TAB2: variants seen among roughly 807,000 people sequenced by gnomAD.
The protein encoded by TAB2 is TGF-beta activated kinase 1 (MAP3K7) binding protein 2, also known as TGF-beta-activated kinase 1 and MAP3K7-binding protein 2.
Under a neutral mutation model 65.0 loss-of-function variants are expected in TAB2, and 3 were observed. That is an observed-to-expected ratio of 0.05 (90% CI 0.02 to 0.12). The LOEUF is 0.12. Ranked by LOEUF, TAB2 falls within the 10% of genes least tolerant of loss-of-function variation. The pLI, the probability that TAB2 is intolerant of heterozygous loss-of-function variation, is 1.00. For missense variants in TAB2, 623 were observed against 840.3 expected, an observed-to-expected ratio of 0.74 and a Z score of 3.20; for synonymous variants, 298 against 285.1, an observed-to-expected ratio of 1.05 and a Z score of -0.46.
chr6:149,361,682 C>T (rs1411233146), intron 1 of TAB2, among the ~76,000 whole-genome samples: 3 of 152,186 alleles, frequency 2.0e-5, no homozygotes, highest in Non-Finnish European at 2.9e-5. Flanking sequence ...CCTTTTCTTT[C>T]TCTGCCACAT....
rs755161786 is a variant in TAB2, at chr6:149,339,591, TTATTTATTTATTTA to T, written c.-90+21578_-90+21591del. 9.4e-4 allele frequency among the ~76,000 whole-genome samples: 16 copies of T among 16,938 alleles called. 1 individual carries two copies. Among genetic ancestry groups the T allele is most frequent in the Non-Finnish European group, 1.3e-3 (5 of 3,812 alleles). The allele number at this position is 16,938 out of a possible 152,430, so 11.1% of individuals were successfully genotyped here. ...CGGCCCAATAATTAATCTTTTTTAT[TTATTTATTTATTTA>T]TTTTTTTTTTTTTTTGAGACGGAGT... On this transcript the variant is annotated intron_variant, in intron 1 of 6. Coordinates refer to ENST00000637181, the MANE Select transcript of TAB2 (RefSeq NM_001292034.3).
At chr6:149,358,483 C>T (rs777832232) in intron 1 of TAB2, among the ~76,000 whole-genome samples, 8 of 152,074 alleles carry the variant, frequency 5.3e-5, no homozygotes, top group Non-Finnish European at 1.0e-4. Flanking sequence ...GCATCTACTG[C>T]GACTAATTAG....
chr6:149,406,943 C>G (rs1311668644), intron 6 of TAB2, among the ~76,000 whole-genome samples: 4 of 152,188 alleles, frequency 2.6e-5, no homozygotes, highest in Non-Finnish European at 5.9e-5. Context: ...TCTTGAACTC[C>G]TGACCTAAAG....
intron 1 of TAB2, among the ~76,000 whole-genome samples, chr6:149,310,680 T>C (rs1486181998): frequency 6.6e-6 from 1 of 152,190 alleles, no homozygotes; most frequent in Non-Finnish European, 1.5e-5. Context: ...TACATCTGAA[T>C]GACAGAGAAG....
intron 1 of TAB2, among the ~76,000 whole-genome samples, chr6:149,274,133 CT>C (rs1195704549): frequency 1.3e-5 from 2 of 152,226 alleles, no homozygotes; most frequent in Non-Finnish European, 2.9e-5. Flanking sequence ...GTGGTGGAAT[CT>C]TGCCCCAGGG....
At chr6:149,300,986 G>C (rs1778960092) in intron 1 of TAB2, among the ~76,000 whole-genome samples, 1 of 152,240 alleles carries the variant, frequency 6.6e-6, no homozygotes, top group Non-Finnish European at 1.5e-5. Context: ...GCCATTCAGA[G>C]CTTGGGGAGT....
intron 2 of TAB2, among the ~76,000 whole-genome samples, chr6:149,372,760 T>C (rs1046692095): frequency 1.3e-5 from 2 of 152,186 alleles, no homozygotes; most frequent in African/African-American, 4.8e-5. Context: ...AAGAAAGGAA[T>C]AGGAAGAGCT....
chr6:149,355,054 C>T (rs1780612371), intron 1 of TAB2, among the ~76,000 whole-genome samples: 1 of 152,152 alleles, frequency 6.6e-6, no homozygotes, highest in Admixed American at 6.5e-5. Flanking sequence ...ATTCCCCTCA[C>T]CAAGTGATGT....
intron 1 of TAB2, among the ~76,000 whole-genome samples, chr6:149,320,691 A>C: frequency 6.6e-6 from 1 of 152,238 alleles, no homozygotes; most frequent in African/African-American, 2.4e-5. Context: ...TGAGTTATAT[A>C]AACAGATCAA....
At chr6:149,361,502 T>C (rs1780852301) in intron 1 of TAB2, among the ~76,000 whole-genome samples, 1 of 152,184 alleles carries the variant, frequency 6.6e-6, no homozygotes, top group South Asian at 2.1e-4. Flanking sequence ...TGAACCATTA[T>C]TTCCTCCTGG....
intron 1 of TAB2, among the ~76,000 whole-genome samples, chr6:149,341,625 A>C (rs1253109255): frequency 6.6e-6 from 1 of 152,144 alleles, no homozygotes; most frequent in Non-Finnish European, 1.5e-5. Flanking sequence ...CTGAACTTAG[A>C]CTTCTCTCTC....
chr6:149,384,631 A>C (rs990647869), intron 3 of TAB2, among the ~76,000 whole-genome samples: 3 of 152,230 alleles, frequency 2.0e-5, no homozygotes, highest in South Asian at 4.1e-4. Flanking sequence ...ACTGGTAGTC[A>C]GTGGTCAGAT....
intron 1 of TAB2, among the ~76,000 whole-genome samples, chr6:149,309,403 C>CTTTTTTTT (rs565648269): frequency 3.5e-5 from 5 of 141,162 alleles, no homozygotes; most frequent in African/African-American, 1.3e-4. Flanking sequence ...AATAATTCCT[C>CTTTTTTTT]TTTTTTTTTT....
At chr6:149,398,194 T>C in intron 5 of TAB2, 132 bp downstream of exon 5, 1 of 757,334 alleles carries the variant, frequency 1.3e-6, no homozygotes, top group African/African-American at 1.7e-5. Context: ...CAGACAGACT[T>C]TTAAGAATAT....
intron 3 of TAB2, among the ~76,000 whole-genome samples, chr6:149,383,368 G>A (rs1026570191): frequency 5.9e-5 from 9 of 152,196 alleles, no homozygotes; most frequent in South Asian, 2.1e-4. Context: ...AACAGCCTTC[G>A]GACAGCTCTA....
At chr6:149,304,117 C>G (rs146839622) in intron 1 of TAB2, 1 of 152,192 alleles carries the variant, frequency 6.6e-6, no homozygotes, top group Non-Finnish European at 1.5e-5. Context: ...CATTCTCTCC[C>G]CTATATCTGA....
At chr6:149,341,295 A>G (rs191581183) in intron 1 of TAB2, among the ~76,000 whole-genome samples, 6 of 152,266 alleles carry the variant, frequency 3.9e-5, no homozygotes, top group Admixed American at 2.6e-4. Flanking sequence ...ATTTGTGGCT[A>G]TTCTGGAAGA....
In TAB2 at chr6:149,397,540, AG is replaced by A. The variant is rs376147213; in HGVS notation, c.1604-63del. The A allele has an allele frequency of 8.1e-5, 127 of 1,565,882 alleles. No individual in the cohort carries two copies. In the East Asian group the frequency reaches 2.2e-3, roughly 27 times the overall value. On this transcript the variant is annotated intron_variant, in intron 3 of 6. Transcript: ENST00000637181. Reference sequence around the variant, plus strand: ...TGACAAATTCTTGTTTGCTTTTCCAAGTCTGCTTAAAGGTTAATTGATTAAA... The same window carrying A: ...TGACAAATTCTTGTTTGCTTTTCCAATCTGCTTAAAGGTTAATTGATTAAA...
intron 1 of TAB2, among the ~76,000 whole-genome samples, chr6:149,339,992 G>A (rs1583103025): frequency 1.3e-5 from 2 of 152,042 alleles, no homozygotes; most frequent in South Asian, 2.1e-4. Context: ...CTAATTTTTT[G>A]TGTTAAACTT....
Sources: allele counts gnomAD v4.1 joint callset (sites outside exome capture counted in the v4.1 genomes callset), GRCh38; gene constraint gnomAD v4.1.1; transcripts MANE v1.5; gene names NCBI Gene and HGNC (gene_info 2026-07-23, HGNC 2026-07-21).